The following GARNL3 variants were observed in gnomAD, a reference collection of about 807,000 sequenced individuals.
GARNL3 encodes the protein GTPase activating Rap/RanGAP domain like 3.
A neutral mutation model predicts 125.0 loss-of-function variants in GARNL3; 63 were observed. The observed-to-expected ratio is 0.50, with a 90% CI of 0.41 to 0.62. GARNL3 has a LOEUF of 0.62. GARNL3 is among the 20% of genes least tolerant of loss of function. GARNL3 has a pLI of 0.00. For synonymous variants in GARNL3, 439 were observed against 457.5 expected (o/e 0.96, Z 0.52); for missense variants, 994 against 1,244.0 (o/e 0.80, Z 3.02).
chr9:127,271,161 G>A (rs2063815475), intron 1 of GARNL3, among the ~76,000 whole-genome samples: 1 of 150,178 alleles, frequency 6.7e-6, no homozygotes. Context: ...CCTTCATATA[G>A]CGAGAATTTA....
chr9:127,375,459 C>CT (rs1359960459), intron 22 of GARNL3, among the ~76,000 whole-genome samples: 9 of 144,296 alleles, frequency 6.2e-5, no homozygotes, highest in African/African-American at 2.4e-4. Context: ...GAGCAAGACT[C>CT]TGTCTCAGAA....
At chr9:127,294,662 G>A (rs183821453) in intron 2 of GARNL3, among the ~76,000 whole-genome samples, 2 of 152,328 alleles carry the variant, frequency 1.3e-5, no homozygotes, top group African/African-American at 4.8e-5. Flanking sequence ...TTTTCAGTGG[G>A]AGGGTTGATC....
chr9:127,331,061 G>C (rs974823922), intron 7 of GARNL3, among the ~76,000 whole-genome samples: 1 of 152,082 alleles, frequency 6.6e-6, no homozygotes, highest in South Asian at 2.1e-4. Flanking sequence ...TGACCACCAA[G>C]AATTTCTTCA....
At chr9:127,286,088 CATCTT>C (rs1305261535) in intron 1 of GARNL3, among the ~76,000 whole-genome samples, 1 of 152,198 alleles carries the variant, frequency 6.6e-6, no homozygotes, top group Admixed American at 6.5e-5. Context: ...GATTAGATAA[CATCTT>C]ACTAAGTACT....
chr9:127,237,057 T>C (rs2063125133), intron 1 of GARNL3, among the ~76,000 whole-genome samples: 1 of 152,244 alleles, frequency 6.6e-6, no homozygotes, highest in Non-Finnish European at 1.5e-5. Flanking sequence ...GATGTTGTAC[T>C]GATCCAGGGA....
intron 1 of GARNL3, among the ~76,000 whole-genome samples, chr9:127,237,165 G>A (rs1272980280): frequency 6.6e-6 from 1 of 152,174 alleles, no homozygotes; most frequent in Non-Finnish European, 1.5e-5. Context: ...AAGGAAAGCT[G>A]CCGCATCATG....
At chr9:127,239,319 G>GA (rs1183931888) in intron 1 of GARNL3, among the ~76,000 whole-genome samples, 2 of 152,106 alleles carry the variant, frequency 1.3e-5, no homozygotes, top group African/African-American at 2.4e-5. Flanking sequence ...CTGGGACAGT[G>GA]AAAAAAACAA....
Position 127,290,028 on chromosome 9 carries a change from G to A in GARNL3, c.145-1140G>A, listed in dbSNP as rs1047823086. Among the ~76,000 whole-genome samples, 3 of 152,120 alleles carry A rather than the reference G, an allele frequency of 2.0e-5. No individual in the cohort carries two copies. The East Asian group carries it at 5.8e-4, about 29-fold the overall frequency. On this transcript the variant is annotated intron_variant, in intron 1 of 27. Coordinates refer to ENST00000373387, the MANE Select transcript of GARNL3 (RefSeq NM_032293.5). ...CTCTGTTCACATCCCAGCTCTACCT[G>A]TACTAACTAGTTAAGTGACTGTAGC...
chr9:127,359,578 C>A (rs1035718955), intron 21 of GARNL3, among the ~76,000 whole-genome samples: 1 of 152,172 alleles, frequency 6.6e-6, no homozygotes, highest in Non-Finnish European at 1.5e-5. Flanking sequence ...GCAGCAGGTC[C>A]TTGTTCAATC....
At chr9:127,317,049 T>G (rs1348356174) in intron 4 of GARNL3, among the ~76,000 whole-genome samples, 2 of 152,214 alleles carry the variant, frequency 1.3e-5, no homozygotes, top group African/African-American at 4.8e-5. Flanking sequence ...TTGCTAACTG[T>G]GTAGTGTGAA....
intron 17 of GARNL3, among the ~76,000 whole-genome samples, chr9:127,350,993 AG>A (rs1399238521): frequency 6.6e-6 from 1 of 152,180 alleles, no homozygotes; most frequent in African/African-American, 2.4e-5. Flanking sequence ...TTGTTAGTCC[AG>A]GGCTCTTTCC....
At chr9:127,249,957 C>T (rs907672425) in intron 2 of GARNL3, among the ~76,000 whole-genome samples, 2 of 151,948 alleles carry the variant, frequency 1.3e-5, no homozygotes, top group Non-Finnish European at 2.9e-5. Flanking sequence ...TGCAGGGAGC[C>T]GAGATTGCAC....
upstream of GARNL3, chr9:127,264,094 T>A: frequency 1.3e-6 from 1 of 797,866 alleles, no homozygotes; most frequent in South Asian, 1.9e-5. Flanking sequence ...TATGTTATCG[T>A]AGAGTTATTT....
intron 2 of GARNL3, among the ~76,000 whole-genome samples, chr9:127,293,526 A>G (rs991226584): frequency 1.3e-5 from 2 of 151,990 alleles, no homozygotes; most frequent in Non-Finnish European, 2.9e-5. Context: ...ATGTCCGAGA[A>G]ACCATTGCCT....
intron 1 of GARNL3, among the ~76,000 whole-genome samples, chr9:127,227,086 C>A (rs1206322146): frequency 2.6e-5 from 4 of 152,160 alleles, no homozygotes; most frequent in African/African-American, 4.8e-5. Context: ...ATTAATTTAA[C>A]CGCCTAGGAC....
chr9:127,313,770 A>G (rs1250344867), intron 4 of GARNL3, among the ~76,000 whole-genome samples: 1 of 151,848 alleles, frequency 6.6e-6, no homozygotes, highest in Non-Finnish European at 1.5e-5. Context: ...AAAAAAACTT[A>G]TTTATTTTAT....
chr9:127,270,538 G>A lies in GARNL3; in HGVS notation c.144+5517G>A, dbSNP rs899552472. ...CTCTTCCCTGTCCCAGGACCCCTGCGCTTACTAGTCATTCTTACTGATGGA... is the reference window on the plus strand; with the variant it reads ...CTCTTCCCTGTCCCAGGACCCCTGCACTTACTAGTCATTCTTACTGATGGA... On this transcript the variant is annotated intron_variant, in intron 1 of 27. Coordinates refer to ENST00000373387, the MANE Select transcript of GARNL3 (RefSeq NM_032293.5). Among the ~76,000 whole-genome samples the A allele has an allele frequency of 7.9e-5, 12 of 152,192 alleles. No homozygotes were observed. The East Asian group carries it at 1.9e-3, about 25-fold the overall frequency.
rs115153202 is a variant in GARNL3 at position 127,285,314 on chromosome 9, G to A, written c.145-5854G>A. 4.0e-3 allele frequency among the ~76,000 whole-genome samples: 615 copies of A among 152,212 alleles called. 6 individuals are homozygous for A. Among genetic ancestry groups the A allele is most frequent in the African/African-American group, 0.014 (584 of 41,516 alleles). Reference sequence around the variant, plus strand: ...GGCATGATGGTGCATGCCTGTAATCGCAGGAGACTGAGGCAGGAGAATCGC... The same window carrying A: ...GGCATGATGGTGCATGCCTGTAATCACAGGAGACTGAGGCAGGAGAATCGC... On this transcript the variant is annotated intron_variant, in intron 1 of 27. Coordinates refer to ENST00000373387, the MANE Select transcript of GARNL3 (RefSeq NM_032293.5).
chr9:127,261,306 T>C (rs554905766), upstream of GARNL3, among the ~76,000 whole-genome samples: 39 of 152,146 alleles, frequency 2.6e-4, 1 homozygote, highest in Admixed American at 2.3e-3. Context: ...CCCCTTCATA[T>C]TGTGGCTGTA....
Sources: allele counts gnomAD v4.1 joint callset (sites outside exome capture counted in the v4.1 genomes callset), GRCh38; gene constraint gnomAD v4.1.1; transcripts MANE v1.5; gene names NCBI Gene and HGNC (gene_info 2026-07-23, HGNC 2026-07-21).